The following PNPLA7 variants were observed in gnomAD, a reference collection of about 807,000 sequenced individuals.
PNPLA7 encodes the protein patatin-like phospholipase domain-containing protein 7.
A neutral mutation model predicts 161.7 loss-of-function variants in PNPLA7; 153 were observed. That is an observed-to-expected ratio of 0.95 (90% confidence interval 0.83 to 1.08). The LOEUF is 1.08. Among genes scored for constraint, PNPLA7 ranks in the 50% least tolerant of loss-of-function variants. The pLI is 0.00. For synonymous variants in PNPLA7, 809 were observed against 782.1 expected, an observed-to-expected ratio of 1.03 and a Z score of -0.57; for missense variants, 1,739 against 1,856.6, an observed-to-expected ratio of 0.94 and a Z score of 1.16.
At chr9:137,492,926 G>A (rs1052780810) in intron 20 of PNPLA7, 87 bp downstream of exon 20, 13 of 1,161,142 alleles carry the variant, frequency 1.1e-5, no homozygotes, top group Non-Finnish European at 1.6e-5. Context: ...CCATGGGCTG[G>A]GAGGGCGGGG....
chr9:137,540,629 G>T lies in PNPLA7; in HGVS notation c.747+13C>A. 1 of 1,605,632 alleles carries T rather than the reference G, an allele frequency of 6.2e-7. No homozygotes were observed. Among genetic ancestry groups the T allele is most frequent in the South Asian group, 1.1e-5 (1 of 89,978 alleles). On this transcript the variant is annotated intron_variant, in intron 8 of 34. Transcript: ENST00000406427. The surrounding 1 kb of genome is among the most constrained non-coding windows in gnomAD (Gnocchi z 5.1). ...CCAGGGGCGCCCGGAGGGCCAGGCAGCGGGGGACTCACGGTGATGATGTCC... is the reference window on the plus strand; with the variant it reads ...CCAGGGGCGCCCGGAGGGCCAGGCATCGGGGGACTCACGGTGATGATGTCC...
intron 25 of PNPLA7, among the ~76,000 whole-genome samples, chr9:137,474,733 C>T (rs964114392): frequency 6.6e-6 from 1 of 151,678 alleles, no homozygotes; most frequent in Non-Finnish European, 1.5e-5. Flanking sequence ...TCCAGGAAGG[C>T]TGGGCGCAGT....
chr9:137,537,557 C>T lies in PNPLA7; in HGVS notation c.747+3085G>A, dbSNP rs907698763. ...GTCTCGATCTCCTGACCTCGTGATCCGCCCACCTCGGCCTCCCAAAGTGCT... is the reference window on the plus strand; with the variant it reads ...GTCTCGATCTCCTGACCTCGTGATCTGCCCACCTCGGCCTCCCAAAGTGCT... On this transcript the variant is annotated intron_variant, in intron 8 of 34. Transcript: ENST00000406427. The surrounding 1 kb of genome is among the most constrained non-coding windows in gnomAD (Gnocchi z 4.5). 6.6e-6 allele frequency among the ~76,000 whole-genome samples: 1 copy of T among 152,150 alleles called. No homozygotes were observed. Among genetic ancestry groups the T allele is most frequent in the African/African-American group, 2.4e-5 (1 of 41,426 alleles).
At chr9:137,498,062 C>A in intron 17 of PNPLA7, 52 bp downstream of exon 17, 1 of 1,584,768 alleles carries the variant, frequency 6.3e-7, no homozygotes, top group East Asian at 2.3e-5. Context: ...ATCCCCAGCT[C>A]CTGCATGCCA....
chr9:137,464,067 C>T, intron 28 of PNPLA7, 59 bp downstream of exon 28: 1 of 1,566,208 alleles, frequency 6.4e-7, no homozygotes, highest in South Asian at 1.1e-5. Context: ...GGCTGCTGAG[C>T]TCTCCCCCTG....
chr9:137,462,769 C>G lies in PNPLA7; in HGVS notation c.3408G>C (p.Glu1136Asp). The stretch of plus-strand genomic sequence containing the variant: ...CATCCCCATAGTTGGTGAGGTCCGT[C>G]TCATCTCGGCTGCCCACGTCAATGG... ...VIAIDVGSRDETDLTNYGDAL... is the reference protein window; with the variant it reads ...VIAIDVGSRDDTDLTNYGDAL... Residue 1136 changes from glutamate (E) to aspartate (D), a missense_variant, in exon 30 of 35, where the codon GAG becomes GAC. Physicochemically the swap from Glu to Asp is conservative, Grantham distance 45. Coordinates refer to ENST00000406427, the MANE Select transcript of PNPLA7 (RefSeq NM_001098537.3). 6.2e-7 allele frequency: 1 copy of G among 1,613,962 alleles called. No individual in the cohort carries two copies. The highest frequency in any genetic ancestry group is 1.7e-4 in the Middle Eastern group (1 of 6,060).
rs760970773 is a variant in PNPLA7 at position 137,543,408 on chromosome 9, C to T, written c.506+24G>A. 7.4e-6 allele frequency: 12 copies of T among 1,613,658 alleles called. No homozygotes were observed. The African/African-American group carries it at 1.5e-4, about 20-fold the overall frequency. ...CGGGGCTATGGGAGCTGCCGCAGCC[C>T]CCGGGGCTCATCCCCGCTCTTACCG... On this transcript the variant is annotated intron_variant, in intron 6 of 34. Transcript: ENST00000406427. The surrounding 1 kb of genome is among the most constrained non-coding windows in gnomAD (Gnocchi z 6.9).
Position 137,501,635 on chromosome 9 carries a change from C to T in PNPLA7, c.1551+15G>A, listed in dbSNP as rs367995401. 16 of 1,610,466 alleles carry T rather than the reference C, an allele frequency of 9.9e-6. No individual in the cohort carries two copies. In the South Asian group the frequency reaches 1.4e-4, roughly 14 times the overall value. On this transcript the variant is annotated intron_variant, in intron 15 of 34. Coordinates refer to ENST00000406427, the MANE Select transcript of PNPLA7 (RefSeq NM_001098537.3). Reference sequence around the variant, plus strand: ...ATTGGGTGGTCCCAGTGCCCCCCCCCAGACCCCCGCTCACCTGGTCTCCCT... The same window carrying T: ...ATTGGGTGGTCCCAGTGCCCCCCCCTAGACCCCCGCTCACCTGGTCTCCCT...
intron 20 of PNPLA7, among the ~76,000 whole-genome samples, chr9:137,485,567 A>G (rs1832437590): frequency 6.6e-6 from 1 of 152,184 alleles, no homozygotes; most frequent in South Asian, 2.1e-4. Context: ...GCTTTCCACC[A>G]CTCACTCCAG....
At chr9:137,474,906 A>C (rs892368160) in intron 25 of PNPLA7, among the ~76,000 whole-genome samples, 2 of 149,954 alleles carry the variant, frequency 1.3e-5, no homozygotes, top group Non-Finnish European at 3.0e-5. Context: ...CTGTAGTCCC[A>C]GCTACTTGGG....
intron 14 of PNPLA7, among the ~76,000 whole-genome samples, chr9:137,504,456 C>T (rs191393917): frequency 3.3e-5 from 5 of 152,312 alleles, no homozygotes; most frequent in Non-Finnish European, 7.4e-5. Flanking sequence ...AGGTGATCCA[C>T]CTGCCTCGGC....
At position 137,543,255 on chromosome 9, in the gene PNPLA7, G is replaced by A. The variant is rs1232924315; in HGVS notation, c.506+177C>T. Among the ~76,000 whole-genome samples the A allele has an allele frequency of 2.0e-5, 3 of 152,192 alleles. No individual in the cohort carries two copies. The East Asian group carries it at 5.8e-4, about 29-fold the overall frequency. On this transcript the variant is annotated intron_variant, in intron 6 of 34. Transcript: ENST00000406427. This position sits in a 1 kb window ranked among gnomAD's most constrained non-coding sequence, Gnocchi z 6.9. ...TCGTTCAACAGAACAAGAAAGATCT[G>A]GTGAAGGAGCCAGCAGACCACGAGG...
At chr9:137,464,480 A>G in intron 26 of PNPLA7, 24 bp from the exon 27 acceptor site, 1 of 1,601,554 alleles carries the variant, frequency 6.2e-7, no homozygotes, top group Non-Finnish European at 8.6e-7. Context: ...TGGAATTTAC[A>G]GAAGGCTTCC....
intron 8 of PNPLA7, among the ~76,000 whole-genome samples, chr9:137,536,673 G>A (rs1835907312): frequency 1.3e-5 from 2 of 152,206 alleles, no homozygotes; most frequent in South Asian, 4.1e-4. Flanking sequence ...GCTGTGAATA[G>A]TATCCATGAA....
intron 26 of PNPLA7, among the ~76,000 whole-genome samples, chr9:137,465,700 G>A (rs536956878): frequency 4.6e-5 from 7 of 152,342 alleles, no homozygotes; most frequent in Non-Finnish European, 2.9e-5. Flanking sequence ...CCCGGGCCAC[G>A]TGAATGCAGC....
intron 13 of PNPLA7, 51 bp downstream of exon 13, chr9:137,505,932 C>T (rs1203613554): frequency 4.5e-6 from 7 of 1,560,016 alleles, no homozygotes; most frequent in Middle Eastern, 1.7e-4. Flanking sequence ...CAGCAAGCCA[C>T]GGAGAGGGTG....
chr9:137,515,256 T>C (rs1834467702), intron 12 of PNPLA7, 123 bp downstream of exon 12: 3 of 1,294,980 alleles, frequency 2.3e-6, no homozygotes, highest in Middle Eastern at 4.9e-4. Flanking sequence ...CCTGGGCACG[T>C]GGGGCTCTAG....
intron 7 of PNPLA7, among the ~76,000 whole-genome samples, chr9:137,542,071 T>C (rs1836235422): frequency 6.6e-6 from 1 of 152,236 alleles, no homozygotes; most frequent in Admixed American, 6.5e-5. Context: ...TTAATTTTGT[T>C]AGAAACCTGA....
In PNPLA7 at chr9:137,462,305, CG is replaced by C; in HGVS notation, c.3518del (p.Thr1173SerfsTer15). 1 of 1,609,270 alleles carries C rather than the reference CG, an allele frequency of 6.2e-7. No individual in the cohort carries two copies. The highest frequency in any genetic ancestry group is 8.5e-7 in the Non-Finnish European group (1 of 1,177,752). Reference sequence around the variant, plus strand: ...GCACGCAACACACGTAGGCCAGGCGCGTCTGAATCTCTGCCATGTTCAACAC... The same window carrying C: ...GCACGCAACACACGTAGGCCAGGCGCTCTGAATCTCTGCCATGTTCAACAC... ...VKVLNMAEIQ[T>X]RLAYVCCVRQ... On this transcript the variant is annotated frameshift_variant, in exon 31 of 35. Coordinates refer to ENST00000406427, the MANE Select transcript of PNPLA7 (RefSeq NM_001098537.3). LOFTEE classifies it high-confidence loss of function.
Sources: allele counts gnomAD v4.1 joint callset (sites outside exome capture counted in the v4.1 genomes callset), GRCh38; gene constraint gnomAD v4.1.1; non-coding constraint Gnocchi (gnomAD v3.1); transcripts MANE v1.5; gene names NCBI Gene and HGNC (gene_info 2026-07-23, HGNC 2026-07-21).